Variants in DPYD observed in about 807,000 individuals in gnomAD.
DPYD encodes dihydropyrimidine dehydrogenase.
In DPYD, 109 loss-of-function variants were observed where a neutral mutation model predicts 116.2. The observed-to-expected ratio is 0.94, with a 90% CI of 0.80 to 1.10. The LOEUF is 1.10. Ranked by LOEUF, DPYD falls within the 50% of genes least tolerant of loss-of-function variation. The pLI, the probability that DPYD is intolerant of heterozygous loss-of-function variation, is 0.00. For synonymous variants in DPYD, 440 were observed against 432.0 expected, an observed-to-expected ratio of 1.02 and a Z score of -0.23; for missense variants, 1,302 against 1,254.5, an observed-to-expected ratio of 1.04 and a Z score of -0.57.
chr1:97,792,794 G>T (rs189042964), intron 3 of DPYD, among the ~76,000 whole-genome samples: 7 of 152,120 alleles, frequency 4.6e-5, no homozygotes, highest in African/African-American at 1.7e-4. Context: ...AACATCAGAC[G>T]AATTCTAAGT....
chr1:97,503,336 A>G (rs1464770787), intron 13 of DPYD, among the ~76,000 whole-genome samples: 2 of 152,112 alleles, frequency 1.3e-5, no homozygotes, highest in Non-Finnish European at 2.9e-5. Context: ...AGATCCAAAT[A>G]TCTTTGTGGC....
chr1:97,092,789 T>C (rs1315720198), intron 21 of DPYD, among the ~76,000 whole-genome samples: 1 of 152,134 alleles, frequency 6.6e-6, no homozygotes, highest in Non-Finnish European at 1.5e-5. Context: ...TCATTATCTT[T>C]TATTTTTCTT....
chr1:97,667,138 A>C (rs771375919), intron 8 of DPYD, among the ~76,000 whole-genome samples: 31 of 152,140 alleles, frequency 2.0e-4, no homozygotes, highest in Non-Finnish European at 8.8e-5. Context: ...AACATACAAA[A>C]TATTTGATAT....
At chr1:97,776,647 C>T (rs1666422033) in intron 3 of DPYD, among the ~76,000 whole-genome samples, 1 of 152,144 alleles carries the variant, frequency 6.6e-6, no homozygotes, top group South Asian at 2.1e-4. Context: ...CTCTGTTTTG[C>T]ACAGACAATC....
intron 14 of DPYD, among the ~76,000 whole-genome samples, chr1:97,422,150 T>C (rs1416627232): frequency 1.3e-5 from 2 of 152,164 alleles, no homozygotes; most frequent in South Asian, 4.1e-4. Flanking sequence ...GTTATCAGCA[T>C]TGGTTTTGGG....
chr1:97,134,293 T>C (rs1365617732), intron 20 of DPYD, among the ~76,000 whole-genome samples: 1 of 151,906 alleles, frequency 6.6e-6, no homozygotes, highest in East Asian at 1.9e-4. Flanking sequence ...CTATTAAACC[T>C]GAGTATAAAT....
chr1:97,581,175 A>AC lies in DPYD; in HGVS notation c.1129-7206_1129-7205insG, dbSNP rs1272001384. ...AACAACAACAACAACAACAACAACA[A>AC]AAATTAGCTGGGGTGGTGGCGGGCG... On this transcript the variant is annotated intron_variant, in intron 10 of 22. Coordinates refer to ENST00000370192, the MANE Select transcript of DPYD (RefSeq NM_000110.4). Among the ~76,000 whole-genome samples the AC allele has an allele frequency of 2.6e-5, 4 of 151,372 alleles. No homozygotes were observed. The East Asian group carries it at 7.8e-4, about 30-fold the overall frequency.
At chr1:97,606,525 T>C (rs1252773411) in intron 8 of DPYD, among the ~76,000 whole-genome samples, 2 of 151,704 alleles carry the variant, frequency 1.3e-5, no homozygotes, top group Non-Finnish European at 2.9e-5. Context: ...TACAAGGGCA[T>C]GATGGGGTAT....
intron 16 of DPYD, among the ~76,000 whole-genome samples, chr1:97,312,770 G>A (rs1200098354): frequency 2.0e-5 from 3 of 151,874 alleles, no homozygotes; most frequent in African/African-American, 7.2e-5. Context: ...CCTCTGAAAC[G>A]TTCCATATTT....
chr1:97,531,107 CT>C (rs1304638972), intron 12 of DPYD, among the ~76,000 whole-genome samples: 1 of 152,060 alleles, frequency 6.6e-6, no homozygotes, highest in Non-Finnish European at 1.5e-5. Context: ...TGCAGAAGTT[CT>C]TTTAGTTTGT....
At position 97,735,785 on chromosome 1, in the gene DPYD, C is replaced by A. The variant is rs1414314560; in HGVS notation, c.321+4607G>T. On this transcript the variant is annotated intron_variant, in intron 4 of 22. Coordinates refer to ENST00000370192, the MANE Select transcript of DPYD (RefSeq NM_000110.4). ...AAGCTGGCAGATTAGAAAAAAAGCA[C>A]AAAAAACTCTTAGAAATGAAAGATA... 1.3e-5 allele frequency among the ~76,000 whole-genome samples: 2 copies of A among 151,124 alleles called. 1 individual carries two copies. The highest frequency in any genetic ancestry group is 3.9e-4 in the East Asian group (2 of 5,186).
chr1:97,617,386 T>C (rs1487786560), intron 8 of DPYD, among the ~76,000 whole-genome samples: 3 of 152,196 alleles, frequency 2.0e-5, no homozygotes, highest in Non-Finnish European at 2.9e-5. Context: ...TAAGCAACAG[T>C]GGCTGTGTCA....
At chr1:97,599,778 C>T (rs1655128504) in intron 8 of DPYD, among the ~76,000 whole-genome samples, 1 of 138,358 alleles carries the variant, frequency 7.2e-6, no homozygotes. Flanking sequence ...AATCCCAGCA[C>T]TTTGTGAGGC....
At chr1:97,653,544 C>T (rs1375630360) in intron 8 of DPYD, among the ~76,000 whole-genome samples, 1 of 152,082 alleles carries the variant, frequency 6.6e-6, no homozygotes. Context: ...ACCTCGTGAT[C>T]TGCCCGCCTC....
At chr1:97,542,917 T>C (rs1650563772) in intron 12 of DPYD, among the ~76,000 whole-genome samples, 1 of 152,312 alleles carries the variant, frequency 6.6e-6, no homozygotes, top group East Asian at 1.9e-4. Flanking sequence ...TAAGACTCTA[T>C]ACATCAGATT....
At chr1:97,200,196 C>T (rs1483614479) in intron 19 of DPYD, among the ~76,000 whole-genome samples, 1 of 151,998 alleles carries the variant, frequency 6.6e-6, no homozygotes, top group Non-Finnish European at 1.5e-5. Context: ...TCAGATAAAC[C>T]CATGACCATA....
At chr1:97,287,522 GC>G (rs1359424448) in intron 18 of DPYD, among the ~76,000 whole-genome samples, 1 of 152,188 alleles carries the variant, frequency 6.6e-6, no homozygotes, top group African/African-American at 2.4e-5. Flanking sequence ...TCTGTGCCCT[GC>G]CCCCAGAGGT....
intron 4 of DPYD, among the ~76,000 whole-genome samples, chr1:97,724,904 A>G (rs1355491553): frequency 6.7e-6 from 1 of 149,380 alleles, no homozygotes; most frequent in Non-Finnish European, 1.5e-5. Flanking sequence ...GGGGAGGGAT[A>G]GAGATAGAGA....
intron 14 of DPYD, among the ~76,000 whole-genome samples, chr1:97,386,571 AC>A (rs1161113017): frequency 6.6e-6 from 1 of 152,190 alleles, no homozygotes. Flanking sequence ...CTATGATTTA[AC>A]AGTCTTGACA....
Sources: gnomAD v4.1 joint callset for allele counts (sites outside exome capture counted in the v4.1 genomes callset) on GRCh38, gnomAD v4.1.1 for gene constraint, MANE v1.5 for transcripts, NCBI Gene and HGNC (gene_info 2026-07-23, HGNC 2026-07-21) for gene names.